HS3ST4: variants seen among roughly 807,000 people sequenced by gnomAD.
HS3ST4 encodes the protein heparan sulfate glucosamine 3-O-sulfotransferase 4.
HS3ST4 carries 17 observed loss-of-function variants against 29.2 expected under a neutral mutation model. The ratio of observed to expected loss-of-function variants is 0.58; its 90% CI spans 0.40 to 0.87. HS3ST4 has a LOEUF of 0.87. Ranked by LOEUF, HS3ST4 falls within the 40% of genes least tolerant of loss-of-function variation. The pLI is 0.00. For synonymous variants in HS3ST4, 314 were observed against 285.7 expected (o/e 1.10, Z -1.00); for missense variants, 627 against 634.5 (o/e 0.99, Z 0.13).
chr16:26,046,145 A>ATTTT (rs146624042), intron 1 of HS3ST4, among the ~76,000 whole-genome samples: 4 of 114,630 alleles, frequency 3.5e-5, no homozygotes, highest in Admixed American at 9.1e-5. Flanking sequence ...AGGACAGGAA[A>ATTTT]TTTTTTTTTT....
chr16:25,982,034 A>T (rs1304175258), intron 1 of HS3ST4, among the ~76,000 whole-genome samples: 4 of 104,994 alleles, frequency 3.8e-5, no homozygotes, highest in Non-Finnish European at 1.1e-4. Context: ...ATACTGAGAC[A>T]CACAGACACA....
intron 1 of HS3ST4, among the ~76,000 whole-genome samples, chr16:25,828,239 TTTC>T (rs1211335828): frequency 4.0e-4 from 29 of 72,644 alleles, no homozygotes; most frequent in Middle Eastern, 5.7e-3. Flanking sequence ...TCTTTCTTTC[TTTC>T]TCTTTCTTTC....
intron 1 of HS3ST4, among the ~76,000 whole-genome samples, chr16:26,009,123 A>G (rs1969285992): frequency 6.6e-6 from 1 of 151,742 alleles, no homozygotes; most frequent in Admixed American, 6.6e-5. Context: ...CCTTCCCCAA[A>G]CCCTTTGCTT....
chr16:25,844,568 C>T (rs1247103130), intron 1 of HS3ST4, among the ~76,000 whole-genome samples: 1 of 152,056 alleles, frequency 6.6e-6, no homozygotes, highest in African/African-American at 2.4e-5. Context: ...TCTTTGAGCA[C>T]ACACACACAA....
intron 1 of HS3ST4, among the ~76,000 whole-genome samples, chr16:26,079,130 C>T (rs933886821): frequency 1.3e-5 from 2 of 152,178 alleles, no homozygotes; most frequent in African/African-American, 4.8e-5. Context: ...ACATTTCACT[C>T]GGTGACAGAG....
rs115425418 is a variant in HS3ST4 at position 25,874,784 on chromosome 16, G to A, written c.734+181633G>A. Among the ~76,000 whole-genome samples the A allele has an allele frequency of 3.3e-3, 497 of 152,268 alleles. 4 individuals carry two copies. Among genetic ancestry groups the A allele is most frequent in the African/African-American group, 0.011 (467 of 41,546 alleles). On this transcript the variant is annotated intron_variant, in intron 1 of 1. Coordinates refer to ENST00000331351, the MANE Select transcript of HS3ST4 (RefSeq NM_006040.3). ...ATTTGTCCCAGACAGTTGGAAAGTA[G>A]CATAAGTACAGTGATACCGAGAGCA...
intron 1 of HS3ST4, among the ~76,000 whole-genome samples, chr16:26,102,049 C>T (rs1232307919): frequency 6.6e-6 from 1 of 152,120 alleles, no homozygotes; most frequent in African/African-American, 2.4e-5. Context: ...TAGTTCCCTT[C>T]CTTCATAGAT....
In HS3ST4 at chr16:25,863,180, T is replaced by C. The variant is rs372171596; in HGVS notation, c.734+170029T>C. On this transcript the variant is annotated intron_variant, in intron 1 of 1. Coordinates refer to ENST00000331351, the MANE Select transcript of HS3ST4 (RefSeq NM_006040.3). Reference sequence around the variant, plus strand: ...TGAAGTTTTTTTTCTGCCTCCAGGGTTCAAGCAATTTTCCTGCCTCAGCCT... The same window carrying C: ...TGAAGTTTTTTTTCTGCCTCCAGGGCTCAAGCAATTTTCCTGCCTCAGCCT... Among the ~76,000 whole-genome samples the C allele has an allele frequency of 1.4e-3, 217 of 152,220 alleles. 1 individual carries two copies. The highest frequency in any genetic ancestry group is 0.013 in the South Asian group (63 of 4,818).
At chr16:25,975,968 G>A (rs1474415317) in intron 1 of HS3ST4, among the ~76,000 whole-genome samples, 1 of 152,178 alleles carries the variant, frequency 6.6e-6, no homozygotes, top group Non-Finnish European at 1.5e-5. Context: ...CTGCATCTCA[G>A]ATGATTTATC....
chr16:25,706,239 G>T (rs149903251), intron 1 of HS3ST4, among the ~76,000 whole-genome samples: 1 of 152,264 alleles, frequency 6.6e-6, no homozygotes, highest in African/African-American at 2.4e-5. Context: ...CCCTGCAGTT[G>T]TTGAGCTTTG....
intron 1 of HS3ST4, among the ~76,000 whole-genome samples, chr16:25,886,361 G>T (rs2141666462): frequency 6.6e-6 from 1 of 152,210 alleles, no homozygotes; most frequent in Middle Eastern, 3.4e-3. Context: ...ATCACCTACT[G>T]CAGTGTTTGT....
chr16:25,800,343 C>T (rs917342091), intron 1 of HS3ST4, among the ~76,000 whole-genome samples: 25 of 151,976 alleles, frequency 1.6e-4, no homozygotes, highest in African/African-American at 6.0e-4. Flanking sequence ...TTTCTGTTAG[C>T]TGGTAACACT....
At chr16:26,008,816 C>A (rs1224541692) in intron 1 of HS3ST4, among the ~76,000 whole-genome samples, 1 of 152,122 alleles carries the variant, frequency 6.6e-6, no homozygotes. Flanking sequence ...GAGACCATGT[C>A]TCTAGAAAAA....
chr16:25,765,180 T>C (rs1966810025), intron 1 of HS3ST4, among the ~76,000 whole-genome samples: 1 of 152,162 alleles, frequency 6.6e-6, no homozygotes, highest in Non-Finnish European at 1.5e-5. Context: ...TATTTAAAGT[T>C]ATGTTTTGAT....
At chr16:25,964,011 A>C (rs1177008412) in intron 1 of HS3ST4, among the ~76,000 whole-genome samples, 1 of 152,094 alleles carries the variant, frequency 6.6e-6, no homozygotes, top group East Asian at 1.9e-4. Flanking sequence ...TCTCTACTTT[A>C]AAAACGTACA....
rs951072409 is a variant in HS3ST4 at position 25,991,946 on chromosome 16, G to A, written c.735-143666G>A. 7.9e-5 allele frequency among the ~76,000 whole-genome samples: 12 copies of A among 152,228 alleles called. No individual in the cohort carries two copies. The East Asian group carries it at 1.4e-3, about 17-fold the overall frequency. On this transcript the variant is annotated intron_variant, in intron 1 of 1. Transcript: ENST00000331351. The stretch of plus-strand genomic sequence containing the variant: ...TGAGGCAGGAGAATGGCGTGAACCC[G>A]GGAGGCAGAGCTTATAGTGAGCCGA...
At chr16:25,698,651 C>T (rs879613376) in intron 1 of HS3ST4, among the ~76,000 whole-genome samples, 1 of 152,178 alleles carries the variant, frequency 6.6e-6, no homozygotes, top group Admixed American at 6.5e-5. Flanking sequence ...CAAATAGAGT[C>T]TCAGCTACCG....
intron 1 of HS3ST4, among the ~76,000 whole-genome samples, chr16:25,806,925 C>T (rs1385440664): frequency 3.3e-5 from 5 of 152,096 alleles, no homozygotes; most frequent in Admixed American, 6.6e-5. Context: ...TCCATCACCA[C>T]GGTCAAGACA....
chr16:25,777,892 T>C (rs1236847934), intron 1 of HS3ST4, among the ~76,000 whole-genome samples: 1 of 151,962 alleles, frequency 6.6e-6, no homozygotes. Flanking sequence ...AGAAAATAAG[T>C]AAAATGAAGC....
Sources: allele counts gnomAD v4.1 joint callset (sites outside exome capture counted in the v4.1 genomes callset), GRCh38; gene constraint gnomAD v4.1.1; transcripts MANE v1.5; gene names NCBI Gene and HGNC (gene_info 2026-07-23, HGNC 2026-07-21).